SPOCK1: variants seen among roughly 807,000 people sequenced by gnomAD.
SPOCK1 encodes SPARC (osteonectin), cwcv and kazal like domains proteoglycan 1.
In SPOCK1, 23 loss-of-function variants were observed where a neutral mutation model predicts 55.3. That is an observed-to-expected ratio of 0.42 (90% CI 0.30 to 0.59). The LOEUF is 0.59. SPOCK1 is among the 20% of genes least tolerant of loss of function. The probability of loss-of-function intolerance (pLI) is 0.22; values close to 1 mark genes in which losing one functional copy is unlikely to be tolerated. For missense variants in SPOCK1, 499 were observed against 552.5 expected, an observed-to-expected ratio of 0.90 and a Z score of 0.97; for synonymous variants, 226 against 221.0, an observed-to-expected ratio of 1.02 and a Z score of -0.20.
chr5:137,349,646 T>C (rs1750632615), intron 2 of SPOCK1, among the ~76,000 whole-genome samples: 1 of 152,178 alleles, frequency 6.6e-6, no homozygotes, highest in African/African-American at 2.4e-5. Flanking sequence ...GGAGAATCTG[T>C]TCCATGCCAC....
At chr5:137,478,499 TA>T (rs1208994375) in intron 2 of SPOCK1, among the ~76,000 whole-genome samples, 3 of 152,194 alleles carry the variant, frequency 2.0e-5, no homozygotes, top group African/African-American at 7.2e-5. Context: ...GGTTTTACTT[TA>T]AATGCAACAT....
chr5:137,442,371 A>G (rs1210666978), intron 2 of SPOCK1, among the ~76,000 whole-genome samples: 2 of 152,220 alleles, frequency 1.3e-5, no homozygotes, highest in Non-Finnish European at 2.9e-5. Flanking sequence ...AAGGCCAGGG[A>G]GAATTGGGTT....
intron 2 of SPOCK1, among the ~76,000 whole-genome samples, chr5:137,311,670 G>T (rs899835722): frequency 1.3e-5 from 2 of 152,116 alleles, no homozygotes; most frequent in African/African-American, 4.8e-5. Flanking sequence ...TAAATATCAT[G>T]TATACTCTGA....
chr5:137,034,194 C>A lies in SPOCK1; in HGVS notation c.589+33521G>T, dbSNP rs137956555. On this transcript the variant is annotated intron_variant, in intron 6 of 10. Coordinates refer to ENST00000394945, the MANE Select transcript of SPOCK1 (RefSeq NM_004598.4). The stretch of plus-strand genomic sequence containing the variant: ...GGGTCTACCATGCAGTAAGTCCCTG[C>A]CCTCAAGGAGCCCTTGACCTAGGGA... 2.2e-3 allele frequency among the ~76,000 whole-genome samples: 342 copies of A among 152,312 alleles called. 4 individuals are homozygous for A. Among genetic ancestry groups the A allele is most frequent in the African/African-American group, 7.0e-3 (289 of 41,568 alleles).
intron 6 of SPOCK1, among the ~76,000 whole-genome samples, chr5:137,033,158 T>G (rs1444651935): frequency 6.6e-6 from 1 of 152,044 alleles, no homozygotes; most frequent in Non-Finnish European, 1.5e-5. Flanking sequence ...AACTCCCTCG[T>G]GGCGGCCGAA....
Position 136,992,600 on chromosome 5 carries a change from G to T in SPOCK1, c.590C>A (p.Ala197Asp). 1.9e-6 allele frequency: 3 copies of T among 1,610,458 alleles called. No individual in the cohort carries two copies. Among genetic ancestry groups the T allele is most frequent in the Non-Finnish European group, 1.7e-6 (2 of 1,178,440 alleles). ...EPPKHKAERS[A>D]CTDKELRNLA... ...GTTCCGCAACTCCTTGTCTGTGCAG[G>T]CTAGAGAAAAGCAAACAGAACAGAC... is the stretch of plus-strand genomic sequence containing the variant. The change falls in exon 7 of 11, where the codon GCC becomes GAC. Residue 197 changes from alanine to aspartate, a missense_variant and splice_region_variant. Around this residue, in one of 3 missense-constraint regions of SPOCK1, gnomAD observed 386 missense variants for 400.6 expected, o/e 0.96. Coordinates refer to ENST00000394945, the MANE Select transcript of SPOCK1 (RefSeq NM_004598.4).
At chr5:136,996,425 A>T (rs1267131872) in intron 6 of SPOCK1, among the ~76,000 whole-genome samples, 1 of 152,162 alleles carries the variant, frequency 6.6e-6, no homozygotes, top group African/African-American at 2.4e-5. Flanking sequence ...TTAATCACGA[A>T]GACCAAGACC....
chr5:137,046,441 C>T (rs570804375), intron 6 of SPOCK1, among the ~76,000 whole-genome samples: 5 of 152,130 alleles, frequency 3.3e-5, no homozygotes, highest in Admixed American at 2.6e-4. Context: ...ATTTGGCTCT[C>T]CTGTTATTGG....
intron 2 of SPOCK1, among the ~76,000 whole-genome samples, chr5:137,368,173 G>T (rs1751117877): frequency 2.6e-5 from 4 of 152,170 alleles, no homozygotes; most frequent in African/African-American, 7.2e-5. Flanking sequence ...GCTAATTATG[G>T]CTTTTGAACC....
intron 2 of SPOCK1, among the ~76,000 whole-genome samples, chr5:137,450,308 G>C (rs1580933999): frequency 6.6e-6 from 1 of 152,172 alleles, no homozygotes; most frequent in Non-Finnish European, 1.5e-5. Context: ...GGATAGAGTG[G>C]GTTCAGTTCC....
At chr5:137,493,963 CATGTGCCAGAAG>C (rs201669737) in intron 2 of SPOCK1, among the ~76,000 whole-genome samples, 3,594 of 152,234 alleles carry the variant, frequency 0.024, 71 homozygotes, top group Non-Finnish European at 0.032. Context: ...TCCCACAGAG[CATGTGCCAGAAG>C]GAAAAAGAAC....
chr5:136,979,566 T>TATC, intron 9 of SPOCK1, 97 bp from the exon 10 acceptor site: 1 of 1,461,944 alleles, frequency 6.8e-7, no homozygotes, highest in African/African-American at 1.4e-5. Context: ...CATGTCAGAA[T>TATC]ATCTGCTGCA....
intron 3 of SPOCK1, among the ~76,000 whole-genome samples, chr5:137,243,991 T>C (rs1334641795): frequency 1.3e-5 from 2 of 152,142 alleles, no homozygotes; most frequent in Non-Finnish European, 2.9e-5. Context: ...AAGGTGGCAA[T>C]GGCCCTCTTT....
At chr5:137,018,715 G>C (rs978905610) in intron 6 of SPOCK1, among the ~76,000 whole-genome samples, 1 of 151,570 alleles carries the variant, frequency 6.6e-6, no homozygotes, top group African/African-American at 2.4e-5. Context: ...TTTTTTTTGA[G>C]TATATATTTT....
At chr5:137,080,887 G>T (rs1219001843) in intron 5 of SPOCK1, among the ~76,000 whole-genome samples, 1 of 152,182 alleles carries the variant, frequency 6.6e-6, no homozygotes, top group Non-Finnish European at 1.5e-5. Flanking sequence ...AGGTCAGAGC[G>T]AACAGAGGTC....
intron 4 of SPOCK1, among the ~76,000 whole-genome samples, chr5:137,130,203 T>G (rs940750444): frequency 6.6e-6 from 1 of 152,196 alleles, no homozygotes; most frequent in African/African-American, 2.4e-5. Flanking sequence ...CAATCTAAAG[T>G]GATTCTTAAA....
chr5:137,418,454 T>G (rs560429270), intron 2 of SPOCK1, among the ~76,000 whole-genome samples: 6,745 of 151,956 alleles, frequency 0.044, 509 homozygotes, highest in African/African-American at 0.15. Flanking sequence ...CTCCACATCC[T>G]CTCCAGCACC....
intron 4 of SPOCK1, among the ~76,000 whole-genome samples, chr5:137,114,886 GGCA>G (rs1393210980): frequency 1.3e-5 from 2 of 152,180 alleles, no homozygotes; most frequent in African/African-American, 4.8e-5. Flanking sequence ...CCAAAGAGTG[GGCA>G]GCTTTGCTGG....
In SPOCK1 at chr5:137,441,676, G is replaced by A. The variant is rs761359529; in HGVS notation, c.186+56697C>T. On this transcript the variant is annotated intron_variant, in intron 2 of 10. Coordinates refer to ENST00000394945, the MANE Select transcript of SPOCK1 (RefSeq NM_004598.4). ...CTGGCAGCTGTGTCTTATGCTGCAC[G>A]GATGGCAACACCAATCCATTGAGCA... Among the ~76,000 whole-genome samples, 21 of 152,144 alleles carry A rather than the reference G, an allele frequency of 1.4e-4. 1 individual carries two copies. The highest frequency in any genetic ancestry group is 2.4e-4 in the Non-Finnish European group (16 of 68,024).
Sources: allele counts gnomAD v4.1 joint callset (sites outside exome capture counted in the v4.1 genomes callset), GRCh38; gene constraint gnomAD v4.1.1; regional missense constraint gnomAD v4.1.1; transcripts MANE v1.5; gene names NCBI Gene and HGNC (gene_info 2026-07-23, HGNC 2026-07-21).